Variants in PARD3B observed in about 807,000 individuals in gnomAD.
PARD3B encodes partitioning defective 3 homolog B.
Under a neutral mutation model 130.2 loss-of-function variants are expected in PARD3B, and 103 were observed. The ratio of observed to expected loss-of-function variants is 0.79; its 90% CI spans 0.67 to 0.93. The LOEUF (loss-of-function observed/expected upper bound fraction) is 0.93. Ranked by LOEUF, PARD3B falls within the 40% of genes least tolerant of loss-of-function variation. PARD3B has a pLI of 0.00. For missense variants in PARD3B, 1,609 were observed against 1,499.2 expected (o/e 1.07, Z -1.21); for synonymous variants, 583 against 553.2 (o/e 1.05, Z -0.76).
At chr2:205,542,380 G>GTGTA (rs1553540499) in intron 21 of PARD3B, among the ~76,000 whole-genome samples, 4 of 147,642 alleles carry the variant, frequency 2.7e-5, no homozygotes, top group African/African-American at 7.4e-5. Context: ...GTGTGTGTGT[G>GTGTA]TGTATGTATG....
chr2:205,147,914 C>T (rs2033479426), intron 10 of PARD3B, among the ~76,000 whole-genome samples: 1 of 152,062 alleles, frequency 6.6e-6, no homozygotes, highest in South Asian at 2.1e-4. Flanking sequence ...TTTGAGTTAA[C>T]TCTCAACAAA....
At chr2:205,103,622 C>A in intron 4 of PARD3B, 1 of 771,132 alleles carries the variant, frequency 1.3e-6, no homozygotes, top group Non-Finnish European at 1.6e-6. Flanking sequence ...CCACGTGTAA[C>A]AATAGTTTAT....
rs928067798 is a variant in PARD3B at position 205,183,781 on chromosome 2, T to C, written c.1925-1983T>C. ...GTGTGTGTGTGTGTGTGTGAACAGA[T>C]TTATGATAAGGAATTGGCTCACATG... On this transcript the variant is annotated intron_variant, in intron 13 of 22. Transcript: ENST00000406610. This position sits in a 1 kb window ranked among gnomAD's most constrained non-coding sequence, Gnocchi z 5.2. Among the ~76,000 whole-genome samples the C allele has an allele frequency of 6.9e-6, 1 of 144,688 alleles. No individual in the cohort carries two copies. Among genetic ancestry groups the C allele is most frequent in the African/African-American group, 2.5e-5 (1 of 39,340 alleles). 94.9% of individuals were successfully genotyped at this position (144,688 alleles called of 152,430 possible). A position where few individuals can be genotyped will look rare whatever the true frequency, so the allele number is the denominator to read the frequency against.
intron 1 of PARD3B, among the ~76,000 whole-genome samples, chr2:204,602,263 G>T (rs2033542185): frequency 6.6e-6 from 1 of 151,964 alleles, no homozygotes; most frequent in South Asian, 2.1e-4. Context: ...ATGTTTCATT[G>T]TTGCTTTCCA....
intron 18 of PARD3B, among the ~76,000 whole-genome samples, chr2:205,304,792 C>A (rs957998069): frequency 6.6e-6 from 1 of 151,628 alleles, no homozygotes. Flanking sequence ...GAAAAAAACA[C>A]AAATTAGCTG....
Position 205,113,494 on chromosome 2 carries a change from T to C in PARD3B, c.597T>C (p.Asp199=). Residue 199 remains aspartate, a synonymous_variant, in exon 6 of 23, where the codon GAT becomes GAC. Transcript: ENST00000406610. ...TSPRTKDTLS[D]MTRTVEISGE... Reference sequence around the variant, plus strand: ...CTCTTGTTTTTTTCTGCCCCAGTGATATGACAAGAACAGTGGAGATTTCTG... The same window carrying C: ...CTCTTGTTTTTTTCTGCCCCAGTGACATGACAAGAACAGTGGAGATTTCTG... The C allele has an allele frequency of 6.2e-7, 1 of 1,611,572 alleles. No individual in the cohort carries two copies. The highest frequency in any genetic ancestry group is 8.5e-7 in the Non-Finnish European group (1 of 1,178,722).
At chr2:204,962,573 T>C (rs371262776) in intron 2 of PARD3B, among the ~76,000 whole-genome samples, 3 of 152,202 alleles carry the variant, frequency 2.0e-5, no homozygotes, top group African/African-American at 7.2e-5. Flanking sequence ...CAGTGGTTTA[T>C]GTTAATTAAT....
chr2:205,058,032 C>A (rs1177387184), intron 4 of PARD3B, among the ~76,000 whole-genome samples: 1 of 151,720 alleles, frequency 6.6e-6, no homozygotes, highest in Admixed American at 6.6e-5. Flanking sequence ...CACCTTCCAA[C>A]ACTGAAACTC....
At chr2:205,384,319 T>G (rs969001169) in intron 18 of PARD3B, among the ~76,000 whole-genome samples, 20 of 152,032 alleles carry the variant, frequency 1.3e-4, no homozygotes, top group Non-Finnish European at 1.5e-5. Context: ...TAATGAGTCC[T>G]CAGGTGACCA....
chr2:205,442,243 T>C (rs1024349761), intron 20 of PARD3B, among the ~76,000 whole-genome samples: 3 of 150,388 alleles, frequency 2.0e-5, no homozygotes, highest in African/African-American at 7.4e-5. Context: ...CCAATACATA[T>C]GGGGAATTCT....
intron 16 of PARD3B, among the ~76,000 whole-genome samples, chr2:205,248,396 TGGTGGTGGTGGTGGTGGTGGC>T (rs1342629940): frequency 5.9e-5 from 8 of 135,554 alleles, no homozygotes; most frequent in Non-Finnish European, 1.1e-4. Flanking sequence ...GTGGTGGTGG[TGGTGGTGGTGGTGGTGGTGGC>T]GGCAGCAGCA....
intron 2 of PARD3B, among the ~76,000 whole-genome samples, chr2:204,813,769 T>G (rs2043047241): frequency 6.6e-6 from 1 of 152,142 alleles, no homozygotes; most frequent in Non-Finnish European, 1.5e-5. Context: ...AAAGAGACTA[T>G]TCTTTCTACG....
chr2:204,732,175 G>T (rs1458021582), intron 2 of PARD3B, among the ~76,000 whole-genome samples: 2 of 151,640 alleles, frequency 1.3e-5, no homozygotes, highest in Non-Finnish European at 2.9e-5. Context: ...TAGATATAAA[G>T]CATTCCAGTG....
chr2:204,619,523 G>GT (rs990158921), intron 1 of PARD3B, among the ~76,000 whole-genome samples: 29 of 152,076 alleles, frequency 1.9e-4, no homozygotes, highest in Non-Finnish European at 3.5e-4. Flanking sequence ...AAAAGAGCAG[G>GT]TTTTTTTTAA....
At chr2:205,510,344 T>C (rs1353674303) in intron 21 of PARD3B, among the ~76,000 whole-genome samples, 1 of 152,200 alleles carries the variant, frequency 6.6e-6, no homozygotes, top group Non-Finnish European at 1.5e-5. Flanking sequence ...ATCTTAGTTA[T>C]TATTGGAGCT....
intron 4 of PARD3B, among the ~76,000 whole-genome samples, chr2:205,096,322 A>G (rs930723325): frequency 2.0e-5 from 3 of 152,106 alleles, no homozygotes. Context: ...GCAATGATGA[A>G]CTTATATTAG....
intron 1 of PARD3B, among the ~76,000 whole-genome samples, chr2:204,626,617 A>G (rs1419139827): frequency 6.6e-6 from 1 of 152,134 alleles, no homozygotes; most frequent in Admixed American, 6.6e-5. Context: ...CTCTGAAACA[A>G]AATTCTAAAA....
At chr2:205,000,195 A>C (rs1694713588) in intron 3 of PARD3B, among the ~76,000 whole-genome samples, 1 of 152,198 alleles carries the variant, frequency 6.6e-6, no homozygotes, top group Non-Finnish European at 1.5e-5. Flanking sequence ...GGGTAGTACA[A>C]CATTAACAAT....
chr2:205,469,023 T>A (rs2106250407), intron 20 of PARD3B, among the ~76,000 whole-genome samples: 1 of 151,802 alleles, frequency 6.6e-6, no homozygotes, highest in East Asian at 1.9e-4. Context: ...AACTCAAACA[T>A]CCCATCCCTT....
Sources: gnomAD v4.1 joint callset for allele counts (sites outside exome capture counted in the v4.1 genomes callset) on GRCh38, gnomAD v4.1.1 for gene constraint, Gnocchi (gnomAD v3.1) non-coding constraint, MANE v1.5 for transcripts, NCBI Gene and HGNC (gene_info 2026-07-23, HGNC 2026-07-21) for gene names.